CLMN: variants seen among roughly 807,000 people sequenced by gnomAD.
The protein encoded by CLMN is calmin (calponin-like, transmembrane).
CLMN carries 57 observed loss-of-function variants against 92.7 expected under a neutral mutation model. The ratio of observed to expected loss-of-function variants is 0.61; its 90% confidence interval spans 0.50 to 0.77. CLMN has a LOEUF of 0.77. CLMN is among the 30% of genes least tolerant of loss of function. CLMN has a pLI of 0.00. For synonymous variants in CLMN, 466 were observed against 470.6 expected, an observed-to-expected ratio of 0.99 and a Z score of 0.13; for missense variants, 1,158 against 1,237.5, an observed-to-expected ratio of 0.94 and a Z score of 0.96.
intron 1 of CLMN, among the ~76,000 whole-genome samples, chr14:95,295,571 C>G (rs1900777878): frequency 6.6e-6 from 1 of 152,170 alleles, no homozygotes; most frequent in Non-Finnish European, 1.5e-5. Flanking sequence ...AGAAGGGACA[C>G]TGGACTAGCC....
intron 1 of CLMN, among the ~76,000 whole-genome samples, chr14:95,269,977 C>T (rs752632501): frequency 2.1e-4 from 32 of 151,320 alleles, no homozygotes; most frequent in Admixed American, 2.0e-4. Context: ...TAAACCACCG[C>T]GATTCGGAGA....
rs532577565 is a variant in CLMN, at chr14:95,231,143, G to A, written c.83-1010C>T. Reference sequence around the variant, plus strand: ...GCAGGTGGTGAGAAGCGAGCATCACGGCCTGAGCTCCGCCTCCTGTCAGAT... The same window carrying A: ...GCAGGTGGTGAGAAGCGAGCATCACAGCCTGAGCTCCGCCTCCTGTCAGAT... On this transcript the variant is annotated intron_variant, in intron 1 of 12. Coordinates refer to ENST00000298912, the MANE Select transcript of CLMN (RefSeq NM_024734.4). 4.6e-5 allele frequency among the ~76,000 whole-genome samples: 7 copies of A among 152,138 alleles called. No homozygotes were observed. The East Asian group carries it at 1.4e-3, about 29-fold the overall frequency.
At chr14:95,297,887 G>A (rs1900877827) in intron 1 of CLMN, among the ~76,000 whole-genome samples, 1 of 151,568 alleles carries the variant, frequency 6.6e-6, no homozygotes, top group South Asian at 2.1e-4. Flanking sequence ...CACGCATATA[G>A]TTTTGTGTGT....
intron 1 of CLMN, among the ~76,000 whole-genome samples, chr14:95,242,250 C>CT (rs371417505): frequency 0.01 from 940 of 92,556 alleles, 45 homozygotes; most frequent in Middle Eastern, 0.019. Flanking sequence ...TTTTCTTTTT[C>CT]TTTTTTTTTT....
intron 1 of CLMN, among the ~76,000 whole-genome samples, chr14:95,253,578 C>G (rs1394776344): frequency 2.6e-5 from 4 of 151,144 alleles, no homozygotes; most frequent in Admixed American, 2.6e-4. Flanking sequence ...ATAAGAATGA[C>G]CTGGGAGGCT....
intron 1 of CLMN, among the ~76,000 whole-genome samples, chr14:95,273,604 A>G (rs980792336): frequency 6.6e-6 from 1 of 152,148 alleles, no homozygotes; most frequent in Admixed American, 6.5e-5. Context: ...GTGCCGTAAT[A>G]ACCACAGACT....
intron 1 of CLMN, among the ~76,000 whole-genome samples, chr14:95,291,906 A>C (rs1666265197): frequency 6.6e-6 from 1 of 152,260 alleles, no homozygotes; most frequent in South Asian, 2.1e-4. Context: ...GTCAGAACAC[A>C]AAGTGAAAAA....
intron 1 of CLMN, among the ~76,000 whole-genome samples, chr14:95,269,974 C>T (rs1427196399): frequency 1.3e-5 from 2 of 151,342 alleles, no homozygotes; most frequent in African/African-American, 4.9e-5. Flanking sequence ...TGTTAAACCA[C>T]CGCGATTCGG....
At chr14:95,305,154 G>A (rs991948486) in intron 1 of CLMN, among the ~76,000 whole-genome samples, 1 of 152,242 alleles carries the variant, frequency 6.6e-6, no homozygotes, top group African/African-American at 2.4e-5. Context: ...TTCACCTCCA[G>A]TAACTCATGC....
intron 4 of CLMN, among the ~76,000 whole-genome samples, chr14:95,217,204 T>C (rs1897378063): frequency 1.3e-5 from 2 of 152,238 alleles, no homozygotes; most frequent in Admixed American, 6.5e-5. Flanking sequence ...ACTGCAAAAT[T>C]CTGCCTGGTA....
At chr14:95,265,899 C>G (rs929952923) in intron 1 of CLMN, among the ~76,000 whole-genome samples, 1 of 152,212 alleles carries the variant, frequency 6.6e-6, no homozygotes, top group African/African-American at 2.4e-5. Context: ...CAACACAATC[C>G]TCTTGGCAGC....
rs562854270 is a variant in CLMN at position 95,183,463 on chromosome 14, A to G, written c.*8101T>C. The G allele has an allele frequency of 1.9e-4, 29 of 152,384 alleles. No homozygotes were observed. The South Asian group carries it at 5.8e-3, about 30-fold the overall frequency. The allele number at this position is 152,384 out of a possible 1,614,324, so 9.4% of individuals were successfully genotyped here. The stretch of plus-strand genomic sequence containing the variant: ...ATCACTACTTTTAAGCTTAAAATAC[A>G]GGAAAAATAATAATCCCTGCCTCAG... On this transcript the variant is annotated 3_prime_UTR_variant, in exon 13 of 13. Coordinates refer to ENST00000298912, the MANE Select transcript of CLMN (RefSeq NM_024734.4).
intron 1 of CLMN, among the ~76,000 whole-genome samples, chr14:95,271,723 C>T (rs1694343988): frequency 6.6e-6 from 1 of 152,172 alleles, no homozygotes; most frequent in African/African-American, 2.4e-5. Flanking sequence ...TGAATTTTAG[C>T]CTGTATATCT....
intron 1 of CLMN, among the ~76,000 whole-genome samples, chr14:95,318,699 G>T (rs1302240717): frequency 1.3e-5 from 2 of 152,108 alleles, no homozygotes; most frequent in African/African-American, 4.8e-5. Context: ...AGCCAGCAGG[G>T]GAAGCAGCTA....
At position 95,256,032 on chromosome 14, in the gene CLMN, C is replaced by T. The variant is rs1898985826; in HGVS notation, c.83-25899G>A. 6.6e-6 allele frequency among the ~76,000 whole-genome samples: 1 copy of T among 152,166 alleles called. No individual in the cohort carries two copies. The highest frequency in any genetic ancestry group is 1.5e-5 in the Non-Finnish European group (1 of 68,030). On this transcript the variant is annotated intron_variant, in intron 1 of 12. Coordinates refer to ENST00000298912, the MANE Select transcript of CLMN (RefSeq NM_024734.4). The surrounding 1 kb of genome is among the most constrained non-coding windows in gnomAD (Gnocchi z 4.9). ...AGCTACTATCCTTATCCCCATTTTACAAATGAGGAAACTGAGGCACAGAAA... is the reference window on the plus strand; with the variant it reads ...AGCTACTATCCTTATCCCCATTTTATAAATGAGGAAACTGAGGCACAGAAA...
chr14:95,207,150 T>C (rs919268055), intron 8 of CLMN, among the ~76,000 whole-genome samples: 2 of 152,346 alleles, frequency 1.3e-5, no homozygotes, highest in South Asian at 2.1e-4. Flanking sequence ...TCTTAAAACG[T>C]GTATACATTG....
intron 1 of CLMN, among the ~76,000 whole-genome samples, chr14:95,280,952 T>C (rs1435997702): frequency 6.6e-6 from 1 of 152,236 alleles, no homozygotes; most frequent in African/African-American, 2.4e-5. Context: ...CCACAGACAA[T>C]TGTTATCTTG....
chr14:95,274,898 G>A (rs986306117), intron 1 of CLMN, among the ~76,000 whole-genome samples: 1 of 149,780 alleles, frequency 6.7e-6, no homozygotes, highest in Non-Finnish European at 1.5e-5. Context: ...AGAATCGCTT[G>A]AACCCAGGGG....
At chr14:95,208,841 T>C (rs931836119) in intron 8 of CLMN, among the ~76,000 whole-genome samples, 1 of 152,236 alleles carries the variant, frequency 6.6e-6, no homozygotes, top group African/African-American at 2.4e-5. Context: ...ACCATCCTGC[T>C]CTGTCCTGCC....
Sources: allele counts gnomAD v4.1 joint callset (sites outside exome capture counted in the v4.1 genomes callset), GRCh38; gene constraint gnomAD v4.1.1; non-coding constraint Gnocchi (gnomAD v3.1); transcripts MANE v1.5; gene names NCBI Gene and HGNC (gene_info 2026-07-23, HGNC 2026-07-21).